The following ATP8A2 variants were observed in gnomAD, a reference collection of about 807,000 sequenced individuals.
ATP8A2 encodes ATPase phospholipid transporting 8A2, also known as phospholipid-transporting ATPase IB.
ATP8A2 carries 100 observed loss-of-function variants against 165.6 expected under a neutral mutation model. That is an observed-to-expected ratio of 0.60 (90% CI 0.51 to 0.71). The LOEUF (loss-of-function observed/expected upper bound fraction) is 0.71, where lower values mean the gene tolerates loss of function less well. Ranked by LOEUF, ATP8A2 falls within the 30% of genes least tolerant of loss-of-function variation. ATP8A2 has a pLI of 0.00. For missense variants in ATP8A2, 1,227 were observed against 1,479.5 expected, an observed-to-expected ratio of 0.83 and a Z score of 2.80; for synonymous variants, 543 against 548.8, an observed-to-expected ratio of 0.99 and a Z score of 0.15.
At chr13:25,850,925 T>A (rs9511944) in intron 30 of ATP8A2, among the ~76,000 whole-genome samples, 20,178 of 152,144 alleles carry the variant, frequency 0.13, 1,560 homozygotes, top group Non-Finnish European at 0.18. Context: ...CCTCTAAAAC[T>A]GTTGAAACAG....
chr13:25,672,652 T>C (rs2042292287), intron 24 of ATP8A2, among the ~76,000 whole-genome samples: 1 of 152,200 alleles, frequency 6.6e-6, no homozygotes, highest in Non-Finnish European at 1.5e-5. Flanking sequence ...TCTGTCAGCG[T>C]TTCTGAAGCT....
chr13:25,494,032 A>T (rs1301318550), intron 2 of ATP8A2, among the ~76,000 whole-genome samples: 3 of 152,070 alleles, frequency 2.0e-5, no homozygotes, highest in African/African-American at 7.2e-5. Context: ...ACTCCATGAA[A>T]TGGGGAGGAG....
chr13:25,440,667 T>A (rs2034909132), intron 1 of ATP8A2, among the ~76,000 whole-genome samples: 1 of 152,196 alleles, frequency 6.6e-6, no homozygotes, highest in African/African-American at 2.4e-5. Context: ...AATGTATAGA[T>A]GCAGTCTACA....
In ATP8A2 at chr13:25,646,601, G is replaced by A. The variant is rs1410713211; in HGVS notation, c.2212-52572G>A. Among the ~76,000 whole-genome samples, 3 of 133,740 alleles carry A rather than the reference G, an allele frequency of 2.2e-5. No homozygotes were observed. In the Admixed American group the frequency reaches 2.6e-4, roughly 12 times the overall value. 87.7% of individuals were successfully genotyped at this position (133,740 alleles called of 152,430 possible). A position where few individuals can be genotyped will look rare whatever the true frequency, so the allele number is the denominator to read the frequency against. ...ACCTGGAAGGTGGAGGTTGCAGTGAGCCAAGATCGTGCCTCTGTACTCCAG... is the reference window on the plus strand; with the variant it reads ...ACCTGGAAGGTGGAGGTTGCAGTGAACCAAGATCGTGCCTCTGTACTCCAG... On this transcript the variant is annotated intron_variant, in intron 24 of 36. Transcript: ENST00000381655.
At chr13:25,593,214 C>A (rs1237465293) in intron 24 of ATP8A2, among the ~76,000 whole-genome samples, 13 of 152,128 alleles carry the variant, frequency 8.5e-5, no homozygotes, top group Non-Finnish European at 1.9e-4. Context: ...AGTCTCAGGG[C>A]TCCAATAACA....
chr13:25,981,041 ATTAGAAGTGAGTG>A (rs1252996256), intron 35 of ATP8A2, among the ~76,000 whole-genome samples: 1 of 152,234 alleles, frequency 6.6e-6, no homozygotes, highest in Non-Finnish European at 1.5e-5. Flanking sequence ...AACGACAAAA[ATTAGAAGTGAGTG>A]TTATGGAAGA....
chr13:25,494,390 CAG>C (rs1165200756), intron 2 of ATP8A2, among the ~76,000 whole-genome samples: 1 of 152,134 alleles, frequency 6.6e-6, no homozygotes, highest in Non-Finnish European at 1.5e-5. Context: ...TCTGCCACTG[CAG>C]AGACTCCTGC....
intron 23 of ATP8A2, among the ~76,000 whole-genome samples, chr13:25,584,679 G>A (rs534800660): frequency 3.6e-4 from 55 of 152,228 alleles, no homozygotes; most frequent in African/African-American, 1.2e-3. Flanking sequence ...TAGGTCTCAG[G>A]GCTCTTGACT....
At chr13:25,646,445 G>A (rs376374431) in intron 24 of ATP8A2, among the ~76,000 whole-genome samples, 173 of 152,134 alleles carry the variant, frequency 1.1e-3, no homozygotes, top group African/African-American at 4.0e-3. Flanking sequence ...GGCGAGGTCA[G>A]GAGTTCAAGA....
intron 24 of ATP8A2, among the ~76,000 whole-genome samples, chr13:25,592,537 G>A (rs537166824): frequency 6.6e-6 from 1 of 152,300 alleles, no homozygotes; most frequent in Non-Finnish European, 1.5e-5. Context: ...GGAGAGCAGA[G>A]TGCTCCTGCA....
chr13:25,712,460 T>C (rs2043176864), intron 25 of ATP8A2, among the ~76,000 whole-genome samples: 1 of 152,186 alleles, frequency 6.6e-6, no homozygotes, highest in Non-Finnish European at 1.5e-5. Context: ...TGAAGGATTC[T>C]CCCATAACTC....
intron 15 of ATP8A2, 33 bp from the exon 16 acceptor site, chr13:25,563,923 A>T: frequency 6.5e-7 from 1 of 1,531,198 alleles, no homozygotes; most frequent in Non-Finnish European, 9.0e-7. Context: ...GAAACTTTTA[A>T]ATTGAATAAA....
chr13:25,918,891 G>T (rs1566268186), intron 33 of ATP8A2, among the ~76,000 whole-genome samples: 1 of 152,150 alleles, frequency 6.6e-6, no homozygotes, highest in Non-Finnish European at 1.5e-5. Context: ...AATTATTAAA[G>T]GGTGCAAATT....
At chr13:25,961,784 G>T in intron 34 of ATP8A2, 121 bp downstream of exon 34, 1 of 759,158 alleles carries the variant, frequency 1.3e-6, no homozygotes, top group Non-Finnish European at 2.2e-6. Flanking sequence ...TGGGTCTCCT[G>T]CCACCTGCCA....
chr13:25,721,583 A>T (rs1266370382), intron 25 of ATP8A2, among the ~76,000 whole-genome samples: 1 of 152,218 alleles, frequency 6.6e-6, no homozygotes, highest in Admixed American at 6.5e-5. Context: ...TAAAACAGGT[A>T]ACCTGGTACA....
intron 35 of ATP8A2, among the ~76,000 whole-genome samples, chr13:25,982,991 G>GT (rs1458823059): frequency 1.3e-5 from 2 of 152,104 alleles, no homozygotes; most frequent in Admixed American, 6.5e-5. Context: ...TTCATGGTTT[G>GT]TGTCAATGCA....
At chr13:25,552,305 C>T (rs1408317182) in intron 11 of ATP8A2, among the ~76,000 whole-genome samples, 2 of 152,014 alleles carry the variant, frequency 1.3e-5, no homozygotes, top group African/African-American at 4.8e-5. Flanking sequence ...TTTATATTAA[C>T]ATATTTACTT....
intron 33 of ATP8A2, among the ~76,000 whole-genome samples, chr13:25,867,310 C>A (rs998759658): frequency 6.6e-6 from 1 of 152,122 alleles, no homozygotes. Flanking sequence ...CCAATTGTCT[C>A]CCCTGGATTT....
intron 1 of ATP8A2, among the ~76,000 whole-genome samples, chr13:25,411,704 T>C (rs1372093682): frequency 6.6e-6 from 1 of 152,174 alleles, no homozygotes; most frequent in Non-Finnish European, 1.5e-5. Flanking sequence ...TACACATACA[T>C]ACACATACAT....
Sources: allele counts gnomAD v4.1 joint callset (sites outside exome capture counted in the v4.1 genomes callset), GRCh38; gene constraint gnomAD v4.1.1; transcripts MANE v1.5; gene names NCBI Gene and HGNC (gene_info 2026-07-23, HGNC 2026-07-21).